The following EXOC6B variants were observed in gnomAD, a reference collection of about 807,000 sequenced individuals.
The protein encoded by EXOC6B is exocyst complex component 6B.
A neutral mutation model predicts 113.5 loss-of-function variants in EXOC6B; 54 were observed. The observed-to-expected ratio is 0.48, with a 90% CI of 0.38 to 0.60. The LOEUF is 0.60. Among genes scored for constraint, EXOC6B ranks in the 20% least tolerant of loss-of-function variants. The probability of loss-of-function intolerance (pLI) is 0.00; values close to 1 mark genes in which losing one functional copy is unlikely to be tolerated. For synonymous variants in EXOC6B, 357 were observed against 339.0 expected, an observed-to-expected ratio of 1.05 and a Z score of -0.58; for missense variants, 797 against 977.5, an observed-to-expected ratio of 0.82 and a Z score of 2.46.
rs982379032 is a variant in EXOC6B at position 72,796,170 on chromosome 2, AG to A, written c.113+29627del. ...AGAGGAAGACAAAAGAAACTCAGAGAGGCTGGGTGCGGTGGCTCACGCCTGT... is the reference window on the plus strand; with the variant it reads ...AGAGGAAGACAAAAGAAACTCAGAGAGCTGGGTGCGGTGGCTCACGCCTGT... On this transcript the variant is annotated intron_variant, in intron 1 of 21. Transcript: ENST00000272427. Among the ~76,000 whole-genome samples the A allele has an allele frequency of 3.2e-4, 46 of 145,202 alleles. 1 individual carries two copies. Among genetic ancestry groups the A allele is most frequent in the African/African-American group, 9.7e-4 (39 of 40,084 alleles).
intron 6 of EXOC6B, among the ~76,000 whole-genome samples, chr2:72,706,353 T>C (rs1470435532): frequency 1.3e-5 from 2 of 152,118 alleles, no homozygotes; most frequent in African/African-American, 4.8e-5. Context: ...GGAATGTAAT[T>C]GTCTGGTTGA....
chr2:72,391,611 T>C (rs996347744), intron 18 of EXOC6B, among the ~76,000 whole-genome samples: 1 of 152,230 alleles, frequency 6.6e-6, no homozygotes. Flanking sequence ...CATTCTCAAG[T>C]ACAAAATTCT....
chr2:72,665,204 G>T (rs1675302450), intron 6 of EXOC6B, among the ~76,000 whole-genome samples: 1 of 152,142 alleles, frequency 6.6e-6, no homozygotes, highest in African/African-American at 2.4e-5. Context: ...GATGGAAGGG[G>T]GCTCCCCTAA....
At chr2:72,402,633 T>A (rs1693412192) in intron 18 of EXOC6B, among the ~76,000 whole-genome samples, 1 of 152,204 alleles carries the variant, frequency 6.6e-6, no homozygotes, top group South Asian at 2.1e-4. Flanking sequence ...TCCTGGGCTT[T>A]CTCAGATAGT....
chr2:72,229,916 G>A (rs1436389924), intron 20 of EXOC6B, among the ~76,000 whole-genome samples: 1 of 152,144 alleles, frequency 6.6e-6, no homozygotes, highest in Non-Finnish European at 1.5e-5. Context: ...GACTCTTTCT[G>A]ACAGGTATTC....
At chr2:72,646,176 T>A (rs1198574138) in intron 6 of EXOC6B, among the ~76,000 whole-genome samples, 1 of 152,124 alleles carries the variant, frequency 6.6e-6, no homozygotes, top group African/African-American at 2.4e-5. Context: ...TCTACGCAGA[T>A]AAACTAGAAA....
intron 8 of EXOC6B, among the ~76,000 whole-genome samples, chr2:72,522,214 C>T (rs1701528485): frequency 6.6e-6 from 1 of 152,144 alleles, no homozygotes. Flanking sequence ...TTAAGCTCTT[C>T]TTCAATTCAC....
intron 11 of EXOC6B, among the ~76,000 whole-genome samples, chr2:72,508,184 A>AAAAAAAAAAAAAAAATAAAAAAAAAAC (rs923877882): frequency 1.1e-5 from 1 of 89,114 alleles, no homozygotes; most frequent in African/African-American, 6.7e-5. Context: ...AAAAAAAAAA[A>AAAAAAAAAAAAAAAATAAAAAAAAAAC]ACACCTAAAA....
At chr2:72,796,651 C>T (rs1235727799) in intron 1 of EXOC6B, among the ~76,000 whole-genome samples, 1 of 152,052 alleles carries the variant, frequency 6.6e-6, no homozygotes, top group African/African-American at 2.4e-5. Flanking sequence ...TCTATCTTCC[C>T]CTTCCGTCCC....
At chr2:72,300,018 G>A (rs915880305) in intron 20 of EXOC6B, among the ~76,000 whole-genome samples, 2 of 152,200 alleles carry the variant, frequency 1.3e-5, no homozygotes, top group Non-Finnish European at 1.5e-5. Flanking sequence ...CACTTGATGA[G>A]GCAGTCTGTC....
intron 18 of EXOC6B, chr2:72,462,916 C>T (rs946398483): frequency 6.6e-6 from 1 of 152,006 alleles, no homozygotes; most frequent in African/African-American, 2.4e-5. Context: ...ATGGTGGCCA[C>T]TAAATTTCAA....
chr2:72,557,478 T>C (rs1703626115), intron 8 of EXOC6B, among the ~76,000 whole-genome samples: 1 of 152,120 alleles, frequency 6.6e-6, no homozygotes. Context: ...TAAAAAAGAA[T>C]GAGATCATGT....
chr2:72,542,926 A>C (rs1031335849), intron 8 of EXOC6B, among the ~76,000 whole-genome samples: 5 of 152,180 alleles, frequency 3.3e-5, no homozygotes, highest in Non-Finnish European at 7.3e-5. Flanking sequence ...AAAATGTAGA[A>C]ATAGGGAAAG....
chr2:72,520,777 C>T (rs1701442597), intron 8 of EXOC6B, among the ~76,000 whole-genome samples: 1 of 152,150 alleles, frequency 6.6e-6, no homozygotes, highest in African/African-American at 2.4e-5. Flanking sequence ...ACACAGTTGC[C>T]AGTGTTTAAT....
chr2:72,683,007 G>C (rs181567223), intron 6 of EXOC6B, among the ~76,000 whole-genome samples: 1 of 152,270 alleles, frequency 6.6e-6, no homozygotes, highest in African/African-American at 2.4e-5. Flanking sequence ...ATACTTCTTA[G>C]AATATCAAAC....
chr2:72,727,701 G>C (rs569881899), intron 5 of EXOC6B, among the ~76,000 whole-genome samples: 1 of 152,140 alleles, frequency 6.6e-6, no homozygotes, highest in Admixed American at 6.5e-5. Flanking sequence ...ACTGGTTCAA[G>C]AAAAAGACAC....
intron 6 of EXOC6B, among the ~76,000 whole-genome samples, chr2:72,619,814 G>A (rs1394887485): frequency 6.6e-6 from 1 of 152,202 alleles, no homozygotes; most frequent in African/African-American, 2.4e-5. Flanking sequence ...CCTGATTGAT[G>A]TGTGAGCTAG....
At chr2:72,385,440 T>C (rs1177526111) in intron 18 of EXOC6B, among the ~76,000 whole-genome samples, 2 of 150,640 alleles carry the variant, frequency 1.3e-5, no homozygotes, top group Non-Finnish European at 3.0e-5. Context: ...CTCCATGACA[T>C]TGATCTGTAC....
chr2:72,665,415 A>G (rs1163933117), intron 6 of EXOC6B, among the ~76,000 whole-genome samples: 1 of 152,192 alleles, frequency 6.6e-6, no homozygotes, highest in African/African-American at 2.4e-5. Flanking sequence ...CGCAAAGGTC[A>G]ATATAAAAGA....
Sources: gnomAD v4.1 joint callset for allele counts (sites outside exome capture counted in the v4.1 genomes callset) on GRCh38, gnomAD v4.1.1 for gene constraint, MANE v1.5 for transcripts, NCBI Gene and HGNC (gene_info 2026-07-23, HGNC 2026-07-21) for gene names.